RAB30: variants seen among roughly 807,000 people sequenced by gnomAD.
The protein encoded by RAB30 is ras-related protein Rab-30.
RAB30 carries 9 observed loss-of-function variants against 25.1 expected under a neutral mutation model. The observed-to-expected ratio is 0.36, with a 90% CI of 0.22 to 0.63. The LOEUF (loss-of-function observed/expected upper bound fraction) is 0.63. RAB30 is among the 20% of genes least tolerant of loss of function. The pLI is 0.69. For synonymous variants in RAB30, 77 were observed against 86.4 expected, an observed-to-expected ratio of 0.89 and a Z score of 0.60; for missense variants, 140 against 243.5, an observed-to-expected ratio of 0.58 and a Z score of 2.83.
intron 1 of RAB30, among the ~76,000 whole-genome samples, chr11:83,027,207 C>T (rs541327310): frequency 9.9e-5 from 15 of 152,176 alleles, no homozygotes; most frequent in Non-Finnish European, 1.2e-4. Context: ...AACTAGTGAA[C>T]CTGAATGATG....
intron 2 of RAB30, among the ~76,000 whole-genome samples, chr11:82,996,550 C>T (rs1228730566): frequency 6.6e-6 from 1 of 152,140 alleles, no homozygotes; most frequent in African/African-American, 2.4e-5. Flanking sequence ...CAAAAAAGGT[C>T]AACTTTGGAA....
At chr11:83,052,205 A>G (rs939596960) in intron 1 of RAB30, among the ~76,000 whole-genome samples, 3 of 152,208 alleles carry the variant, frequency 2.0e-5, no homozygotes, top group African/African-American at 7.2e-5. Flanking sequence ...CAGGCTTGTT[A>G]TAAAGCCCAT....
At chr11:82,986,694 C>T (rs757902310) in intron 4 of RAB30, among the ~76,000 whole-genome samples, 3 of 152,170 alleles carry the variant, frequency 2.0e-5, no homozygotes, top group Non-Finnish European at 4.4e-5. Context: ...TGCTATGTGA[C>T]CTTGGGAAAA....
At chr11:83,058,429 G>C (rs1306683777) in intron 1 of RAB30, among the ~76,000 whole-genome samples, 1 of 152,102 alleles carries the variant, frequency 6.6e-6, no homozygotes, top group African/African-American at 2.4e-5. Context: ...TTTTAATCTA[G>C]AACCATTCCT....
intron 1 of RAB30, chr11:83,040,696 G>A (rs910636799): frequency 2.6e-5 from 4 of 152,406 alleles, no homozygotes; most frequent in Non-Finnish European, 4.4e-5. Flanking sequence ...ACCACCATTT[G>A]GATGTAAGTT....
At chr11:83,022,102 C>A (rs1857592370) in intron 1 of RAB30, among the ~76,000 whole-genome samples, 1 of 152,024 alleles carries the variant, frequency 6.6e-6, no homozygotes, top group Admixed American at 6.6e-5. Context: ...AATGCTGGTA[C>A]CAGTTGAACT....
intron 1 of RAB30, among the ~76,000 whole-genome samples, chr11:82,998,711 G>GAAA (rs112489317): frequency 3.6e-5 from 5 of 138,140 alleles, no homozygotes; most frequent in African/African-American, 1.3e-4. Context: ...GTTAAATAAT[G>GAAA]AAAAAAAAAA....
At position 82,975,805 on chromosome 11, in the gene RAB30, A is replaced by C. The variant is rs933248877; in HGVS notation, c.*6360T>G. The stretch of plus-strand genomic sequence containing the variant: ...TACCTATCCTGACATTCACTAAGTA[A>C]ATAATGACTATCATTTTAATAATCA... On this transcript the variant is annotated 3_prime_UTR_variant, in exon 5 of 5. Transcript: ENST00000527633. 3 of 152,196 alleles carry C rather than the reference A, an allele frequency of 2.0e-5. No individual in the cohort carries two copies. Among genetic ancestry groups the C allele is most frequent in the Admixed American group, 6.5e-5 (1 of 15,278 alleles). 9.4% of individuals were successfully genotyped at this position (152,196 alleles called of 1,614,324 possible). A position where few individuals can be genotyped will look rare whatever the true frequency, so the allele number is the denominator to read the frequency against.
At chr11:83,021,899 G>C (rs1429593630) in intron 1 of RAB30, among the ~76,000 whole-genome samples, 1 of 152,218 alleles carries the variant, frequency 6.6e-6, no homozygotes, top group South Asian at 2.1e-4. Flanking sequence ...TAATGACTTT[G>C]TGAATGTCAG....
chr11:83,012,782 G>C (rs1857332011), intron 1 of RAB30, among the ~76,000 whole-genome samples: 1 of 152,166 alleles, frequency 6.6e-6, no homozygotes, highest in Admixed American at 6.5e-5. Context: ...AGGGCATGCA[G>C]AGCCCTCCAC....
chr11:82,989,788 T>A (rs1856815002), intron 3 of RAB30, among the ~76,000 whole-genome samples: 1 of 152,244 alleles, frequency 6.6e-6, no homozygotes, highest in Admixed American at 6.5e-5. Context: ...TGACAGTTGA[T>A]TATTGAGGAT....
chr11:83,057,972 C>T (rs1464775770), intron 1 of RAB30, among the ~76,000 whole-genome samples: 2 of 152,138 alleles, frequency 1.3e-5, no homozygotes, highest in African/African-American at 2.4e-5. Flanking sequence ...GTGACAGGCA[C>T]CACGCTGAGA....
chr11:83,011,588 TAGAA>T (rs1335752639), intron 1 of RAB30, among the ~76,000 whole-genome samples: 2 of 152,258 alleles, frequency 1.3e-5, no homozygotes, highest in African/African-American at 4.8e-5. Context: ...TAGTTGGAAT[TAGAA>T]AGGCATTTAA....
At chr11:82,987,811 G>C in intron 3 of RAB30, 41 bp from the exon 4 acceptor site, 1 of 1,335,784 alleles carries the variant, frequency 7.5e-7, no homozygotes, top group Non-Finnish European at 1.0e-6. Flanking sequence ...AGAAGGATCA[G>C]GTTGGAGAAA....
chr11:83,015,041 G>GGACA (rs1857406328), intron 1 of RAB30, among the ~76,000 whole-genome samples: 2 of 152,206 alleles, frequency 1.3e-5, no homozygotes, highest in Non-Finnish European at 2.9e-5. Context: ...GACTGCTGTG[G>GGACA]GACAGGTCAC....
chr11:83,056,867 T>C (rs1858469181), intron 1 of RAB30, among the ~76,000 whole-genome samples: 2 of 152,228 alleles, frequency 1.3e-5, no homozygotes, highest in South Asian at 4.1e-4. Context: ...ATTATTATTA[T>C]AAAGTTACAG....
At chr11:83,018,022 T>C (rs1379014470) in intron 1 of RAB30, among the ~76,000 whole-genome samples, 1 of 152,172 alleles carries the variant, frequency 6.6e-6, no homozygotes, top group Non-Finnish European at 1.5e-5. Flanking sequence ...CATTTTCCAC[T>C]GGGCATGGTG....
chr11:83,051,162 T>C (rs375770267), intron 1 of RAB30, among the ~76,000 whole-genome samples: 1 of 152,194 alleles, frequency 6.6e-6, no homozygotes, highest in South Asian at 2.1e-4. Flanking sequence ...TTCCATCTCC[T>C]TCTCCATCTG....
At chr11:83,008,662 C>CT (rs1217648473) in intron 1 of RAB30, among the ~76,000 whole-genome samples, 4 of 152,206 alleles carry the variant, frequency 2.6e-5, no homozygotes, top group African/African-American at 9.6e-5. Context: ...CAAATTTTCC[C>CT]TCAGCAGGGA....
Sources: allele counts gnomAD v4.1 joint callset (sites outside exome capture counted in the v4.1 genomes callset), GRCh38; gene constraint gnomAD v4.1.1; transcripts MANE v1.5; gene names NCBI Gene and HGNC (gene_info 2026-07-23, HGNC 2026-07-21).